The following GAS7 variants were observed in gnomAD, a reference collection of about 807,000 sequenced individuals.
GAS7 encodes growth arrest-specific protein 7.
GAS7 carries 28 observed loss-of-function variants against 71.1 expected under a neutral mutation model. That is an observed-to-expected ratio of 0.39 (90% CI 0.29 to 0.54). The LOEUF (loss-of-function observed/expected upper bound fraction) is 0.54. GAS7 is among the 20% of genes least tolerant of loss of function. The pLI is 0.62. For missense variants in GAS7, 436 were observed against 627.8 expected, an observed-to-expected ratio of 0.69 and a Z score of 3.27; for synonymous variants, 258 against 245.8, an observed-to-expected ratio of 1.05 and a Z score of -0.46.
chr17:10,071,904 T>A, intron 1 of GAS7, among the ~76,000 whole-genome samples: 1 of 135,292 alleles, frequency 7.4e-6, no homozygotes, highest in African/African-American at 2.9e-5. Context: ...ACCACTGAAC[T>A]CCAGCCTGGG....
At chr17:10,013,847 G>A (rs2152195005) in intron 2 of GAS7, among the ~76,000 whole-genome samples, 1 of 152,178 alleles carries the variant, frequency 6.6e-6, no homozygotes, top group African/African-American at 2.4e-5. Context: ...TTCCTTCAAG[G>A]TCTCCTTGGC....
At chr17:10,057,942 C>T (rs912979503) in intron 1 of GAS7, among the ~76,000 whole-genome samples, 2 of 152,236 alleles carry the variant, frequency 1.3e-5, no homozygotes, top group African/African-American at 4.8e-5. Flanking sequence ...TAATCTATGG[C>T]CTTACCCCCA....
At chr17:10,028,866 C>G (rs191111117) in intron 1 of GAS7, among the ~76,000 whole-genome samples, 1 of 152,172 alleles carries the variant, frequency 6.6e-6, no homozygotes, top group Admixed American at 6.5e-5. Context: ...CCCCAGAATG[C>G]AAAGGAAATG....
intron 1 of GAS7, among the ~76,000 whole-genome samples, chr17:10,022,171 T>G (rs1318364152): frequency 6.6e-6 from 1 of 152,076 alleles, no homozygotes; most frequent in Admixed American, 6.5e-5. Context: ...GTGGAAGGAT[T>G]GCCTGAGCCT....
At chr17:10,059,045 C>A (rs540904484) in intron 1 of GAS7, among the ~76,000 whole-genome samples, 10 of 152,342 alleles carry the variant, frequency 6.6e-5, no homozygotes, top group African/African-American at 2.2e-4. Context: ...TACACCCACA[C>A]GCTGCCTGGT....
intron 8 of GAS7, 33 bp downstream of exon 8, chr17:9,940,093 C>A: frequency 1.7e-6 from 2 of 1,187,710 alleles, no homozygotes; most frequent in South Asian, 1.2e-5. Context: ...ACCCCCCATC[C>A]TCCCCACTCC....
chr17:10,128,835 G>T (rs2073973765), intron 1 of GAS7, among the ~76,000 whole-genome samples: 1 of 131,078 alleles, frequency 7.6e-6, no homozygotes, highest in Admixed American at 7.6e-5. Flanking sequence ...TAGCCAGGAT[G>T]GTCTCGATCT....
intron 1 of GAS7, among the ~76,000 whole-genome samples, chr17:10,126,365 T>C (rs1475514930): frequency 7.2e-6 from 1 of 138,660 alleles, no homozygotes; most frequent in Admixed American, 7.5e-5. Context: ...CACACACTCT[T>C]GCACACACAC....
chr17:9,975,452 T>G (rs2070153570), intron 3 of GAS7, among the ~76,000 whole-genome samples: 1 of 147,822 alleles, frequency 6.8e-6, no homozygotes, highest in Non-Finnish European at 1.5e-5. Flanking sequence ...CCCTCTCTTC[T>G]TCCCTCCCTC....
intron 12 of GAS7, among the ~76,000 whole-genome samples, chr17:9,918,875 GA>G (rs1441468507): frequency 6.6e-6 from 1 of 152,178 alleles, no homozygotes; most frequent in African/African-American, 2.4e-5. Context: ...GCTTAATTAG[GA>G]GATTAACCAG....
chr17:10,047,948 T>A (rs140357792), intron 1 of GAS7, among the ~76,000 whole-genome samples: 1 of 152,174 alleles, frequency 6.6e-6, no homozygotes, highest in African/African-American at 2.4e-5. Flanking sequence ...TAATAACCAA[T>A]TGCAATTAAA....
rs1459325910 is a variant in GAS7 at position 10,198,131 on chromosome 17, C to T, written c.183+77G>A. The T allele has an allele frequency of 1.3e-5, 19 of 1,434,630 alleles. No homozygotes were observed. In the Admixed American group the frequency reaches 3.4e-4, roughly 26 times the overall value. 88.9% of individuals were successfully genotyped at this position (1,434,630 alleles called of 1,614,324 possible). A position where few individuals can be genotyped will look rare whatever the true frequency, so the allele number is the denominator to read the frequency against. On this transcript the variant is annotated intron_variant, in intron 1 of 13. Coordinates refer to ENST00000432992, the MANE Select transcript of GAS7 (RefSeq NM_201433.2). Reference sequence around the variant, plus strand: ...CTCCGACCGGGACGCTGCGGCATCCCCGGAACGGGCAACAGGTACGCGAGC... The same window carrying T: ...CTCCGACCGGGACGCTGCGGCATCCTCGGAACGGGCAACAGGTACGCGAGC...
chr17:10,019,132 T>C (rs895232210), intron 2 of GAS7, among the ~76,000 whole-genome samples: 2 of 152,130 alleles, frequency 1.3e-5, no homozygotes, highest in African/African-American at 2.4e-5. Flanking sequence ...CTGGGGTCAT[T>C]TGAAGGCCTG....
chr17:10,043,681 G>T (rs1251896079), intron 1 of GAS7, among the ~76,000 whole-genome samples: 1 of 152,224 alleles, frequency 6.6e-6, no homozygotes, highest in African/African-American at 2.4e-5. Flanking sequence ...TTGGGAGGCT[G>T]AAGTGGGAGG....
chr17:9,945,956 C>G, intron 6 of GAS7, among the ~76,000 whole-genome samples: 1 of 152,102 alleles, frequency 6.6e-6, no homozygotes, highest in South Asian at 2.1e-4. Context: ...TGCACTCCAG[C>G]CTGGGTGAGA....
chr17:10,169,774 A>G (rs1045239672), intron 1 of GAS7, among the ~76,000 whole-genome samples: 9 of 152,050 alleles, frequency 5.9e-5, no homozygotes, highest in African/African-American at 1.9e-4. Flanking sequence ...AAGACTATCT[A>G]CGCCATAACG....
intron 1 of GAS7, among the ~76,000 whole-genome samples, chr17:10,117,092 G>C (rs959783405): frequency 7.9e-5 from 12 of 152,142 alleles, no homozygotes; most frequent in Non-Finnish European, 1.3e-4. Flanking sequence ...CTAAAGTCAA[G>C]ATGTCTGCAG....
rs1022257527 is a variant in GAS7 at position 10,031,012 on chromosome 17, G to A, written c.184-11115C>T. On this transcript the variant is annotated intron_variant, in intron 1 of 13. Coordinates refer to ENST00000432992, the MANE Select transcript of GAS7 (RefSeq NM_201433.2). ...AACACCATCACTGTCCTCTGTCCAC[G>A]AAGTGGCAAGAGGAAGCCTCACACT... is the stretch of plus-strand genomic sequence containing the variant. Among the ~76,000 whole-genome samples, 6 of 152,174 alleles carry A rather than the reference G, an allele frequency of 3.9e-5. No individual in the cohort carries two copies. In the South Asian group the frequency reaches 8.3e-4, roughly 21 times the overall value.
intron 1 of GAS7, among the ~76,000 whole-genome samples, chr17:10,176,912 G>A (rs548462242): frequency 2.6e-5 from 4 of 152,140 alleles, no homozygotes; most frequent in Non-Finnish European, 5.9e-5. Context: ...AGTTCTTAAG[G>A]CAAGCTCTCC....
Sources: gnomAD v4.1 joint callset for allele counts (sites outside exome capture counted in the v4.1 genomes callset) on GRCh38, gnomAD v4.1.1 for gene constraint, MANE v1.5 for transcripts, NCBI Gene and HGNC (gene_info 2026-07-23, HGNC 2026-07-21) for gene names.